Variants in IL1RAPL1 observed in about 807,000 individuals in gnomAD.
IL1RAPL1 encodes the protein interleukin-1 receptor accessory protein-like 1.
A neutral mutation model predicts 48.4 loss-of-function variants in IL1RAPL1; 3 were observed. The ratio of observed to expected loss-of-function variants is 0.06; its 90% CI spans 0.03 to 0.16. The LOEUF is 0.16. IL1RAPL1 is among the 10% of genes least tolerant of loss of function. The probability of loss-of-function intolerance (pLI) is 1.00; values close to 1 mark genes in which losing one functional copy is unlikely to be tolerated. For synonymous variants in IL1RAPL1, 185 were observed against 187.7 expected (o/e 0.99, Z 0.12); for missense variants, 349 against 530.6 (o/e 0.66, Z 3.36).
chrX:28,834,689 A>G (rs1368273199), intron 2 of IL1RAPL1, among the ~76,000 whole-genome samples: 1 of 111,458 alleles, frequency 9.0e-6, no homozygotes, highest in African/African-American at 3.3e-5. Flanking sequence ...GTTTCATTCC[A>G]TTTACTCCTC....
At chrX:29,144,318 C>G (rs755937003) in intron 2 of IL1RAPL1, among the ~76,000 whole-genome samples, 1 of 110,429 alleles carries the variant, frequency 9.1e-6, no homozygotes, top group South Asian at 3.9e-4. Context: ...AAATAAAGAT[C>G]TTGGCTGGGT....
chrX:29,762,616 A>G (rs1420185540), intron 6 of IL1RAPL1, among the ~76,000 whole-genome samples: 1 of 112,138 alleles, frequency 8.9e-6, no homozygotes, highest in Non-Finnish European at 1.9e-5. Context: ...TTGGAAATGA[A>G]CATTCATTCA....
At chrX:28,931,262 A>T (rs1202864888) in intron 2 of IL1RAPL1, among the ~76,000 whole-genome samples, 1 of 111,911 alleles carries the variant, frequency 8.9e-6, no homozygotes. Context: ...TTTGTTGGAA[A>T]GTGAAAATTG....
chrX:29,504,735 A>T (rs771734546), intron 5 of IL1RAPL1, among the ~76,000 whole-genome samples: 1 of 112,453 alleles, frequency 8.9e-6, no homozygotes, highest in South Asian at 3.7e-4. Flanking sequence ...TTTATAAATG[A>T]AGTGGAATTC....
intron 5 of IL1RAPL1, among the ~76,000 whole-genome samples, chrX:29,405,252 A>G (rs969505015): frequency 3.7e-5 from 4 of 108,308 alleles, no homozygotes; most frequent in African/African-American, 1.0e-4. Flanking sequence ...TCGTTTTGTC[A>G]CTTTCAATAT....
chrX:29,230,520 A>AAAAAAAAAAC (rs1569265277), intron 2 of IL1RAPL1, among the ~76,000 whole-genome samples: 24 of 96,832 alleles, frequency 2.5e-4, no homozygotes, highest in Admixed American at 6.8e-4. Flanking sequence ...AAAAAAAAAA[A>AAAAAAAAAAC]AAAAAAAAAA....
At chrX:29,285,675 CTTTAAAG>C (rs1932273809) in intron 3 of IL1RAPL1, among the ~76,000 whole-genome samples, 1 of 108,816 alleles carries the variant, frequency 9.2e-6, no homozygotes, top group Non-Finnish European at 1.9e-5. Context: ...AAGACAAATA[CTTTAAAG>C]TTTATGTGTG....
chrX:29,893,922 G>A (rs1210361310), intron 6 of IL1RAPL1, among the ~76,000 whole-genome samples: 1 of 111,762 alleles, frequency 8.9e-6, no homozygotes, highest in Non-Finnish European at 1.9e-5. Context: ...TAAGAAAGAG[G>A]TTGTAAATAT....
At chrX:29,251,971 T>C (rs750866901) in intron 2 of IL1RAPL1, among the ~76,000 whole-genome samples, 1 of 109,561 alleles carries the variant, frequency 9.1e-6, no homozygotes, top group South Asian at 3.9e-4. Context: ...TGTAGGGACA[T>C]GGATGAAATT....
chrX:29,280,665 G>A (rs574587446), intron 2 of IL1RAPL1, among the ~76,000 whole-genome samples: 4 of 112,185 alleles, frequency 3.6e-5, no homozygotes, highest in African/African-American at 1.3e-4. Flanking sequence ...AGGCACTGTG[G>A]CTAAAAAGGG....
intron 6 of IL1RAPL1, among the ~76,000 whole-genome samples, chrX:29,757,527 A>G (rs1601810382): frequency 1.8e-5 from 2 of 112,577 alleles, no homozygotes; most frequent in Admixed American, 1.9e-4. Context: ...CTGTGACTGC[A>G]TGTATCTAAA....
chrX:29,487,883 A>C (rs113381137), intron 5 of IL1RAPL1, among the ~76,000 whole-genome samples: 6,752 of 111,850 alleles, frequency 0.06, 512 homozygotes, highest in African/African-American at 0.21. Flanking sequence ...TGACCTTCAC[A>C]TCTCATACTG....
intron 2 of IL1RAPL1, among the ~76,000 whole-genome samples, chrX:29,231,851 AC>A (rs1386783997): frequency 1.8e-5 from 2 of 112,139 alleles, no homozygotes; most frequent in Non-Finnish European, 3.8e-5. Context: ...CACAAGCCAT[AC>A]TTCTGATTTG....
At chrX:29,949,564 A>G (rs1933277480) in intron 9 of IL1RAPL1, among the ~76,000 whole-genome samples, 1 of 112,446 alleles carries the variant, frequency 8.9e-6, no homozygotes, top group Non-Finnish European at 1.9e-5. Flanking sequence ...GTTGATGCTT[A>G]AATTGCAGAG....
rs1304067314 is a variant in IL1RAPL1, at chrX:29,473,669, C to A, written c.703+74361C>A. 3.0e-5 allele frequency among the ~76,000 whole-genome samples: 3 copies of A among 100,061 alleles called. No individual in the cohort carries two copies. The East Asian group carries it at 1.0e-3, about 34-fold the overall frequency. 86.9% of individuals were successfully genotyped at this position (100,061 alleles called of 115,157 possible). A position where few individuals can be genotyped will look rare whatever the true frequency, so the allele number is the denominator to read the frequency against. On this transcript the variant is annotated intron_variant, in intron 5 of 10. Coordinates refer to ENST00000378993, the MANE Select transcript of IL1RAPL1 (RefSeq NM_014271.4). The stretch of plus-strand genomic sequence containing the variant: ...TCTGTTCATCATTCAGATTTCAGGT[C>A]AAGATCACTTAGTGAGGAATTCTCT...
At chrX:29,388,917 A>G (rs1933819184) in intron 3 of IL1RAPL1, among the ~76,000 whole-genome samples, 3 of 112,281 alleles carry the variant, frequency 2.7e-5, no homozygotes. Flanking sequence ...GGTTCATTTT[A>G]TGTTGTGTGA....
At chrX:29,324,953 T>A (rs1375459131) in intron 3 of IL1RAPL1, among the ~76,000 whole-genome samples, 1 of 112,181 alleles carries the variant, frequency 8.9e-6, no homozygotes, top group African/African-American at 3.2e-5. Flanking sequence ...AGATAGAATA[T>A]CTTACAATAG....
At chrX:29,178,561 T>C (rs942336952) in intron 2 of IL1RAPL1, among the ~76,000 whole-genome samples, 3 of 111,740 alleles carry the variant, frequency 2.7e-5, no homozygotes, top group Non-Finnish European at 3.8e-5. Flanking sequence ...TTCACTCTGA[T>C]GGTAGTTTGT....
intron 1 of IL1RAPL1, among the ~76,000 whole-genome samples, chrX:28,630,378 G>A (rs774888800): frequency 7.6e-4 from 85 of 111,660 alleles, no homozygotes; most frequent in African/African-American, 2.7e-3. Flanking sequence ...GTTCCAAGGG[G>A]CTTATTTGAT....
Sources: gnomAD v4.1 joint callset for allele counts (sites outside exome capture counted in the v4.1 genomes callset) on GRCh38, gnomAD v4.1.1 for gene constraint, MANE v1.5 for transcripts, NCBI Gene and HGNC (gene_info 2026-07-23, HGNC 2026-07-21) for gene names.